KCNJ6: variants seen among roughly 807,000 people sequenced by gnomAD.
The protein encoded by KCNJ6 is potassium inwardly rectifying channel subfamily J member 6, also known as G protein-activated inward rectifier potassium channel 2.
KCNJ6 carries 9 observed loss-of-function variants against 34.2 expected under a neutral mutation model. That is an observed-to-expected ratio of 0.26 (90% CI 0.16 to 0.46). The LOEUF (loss-of-function observed/expected upper bound fraction) is 0.46. KCNJ6 is among the 20% of genes least tolerant of loss of function. KCNJ6 has a pLI of 1.00. For missense variants in KCNJ6, 236 were observed against 531.3 expected, an observed-to-expected ratio of 0.44 and a Z score of 5.46; for synonymous variants, 196 against 207.1, an observed-to-expected ratio of 0.95 and a Z score of 0.46.
chr21:37,653,932 G>A (rs1281801711), intron 3 of KCNJ6, among the ~76,000 whole-genome samples: 2 of 152,124 alleles, frequency 1.3e-5, no homozygotes, highest in Non-Finnish European at 2.9e-5. Context: ...GTGTGAGAGA[G>A]TCCCACCCCA....
At position 37,707,721 on chromosome 21, in the gene KCNJ6, GCA is replaced by G. The variant is rs112920332; in HGVS notation, c.946+6488_946+6489del. On this transcript the variant is annotated intron_variant, in intron 3 of 3. Transcript: ENST00000609713. ...GGCTGCTTAGCTGTTTAGTATCTGT[GCA>G]TGTGTGTGTGTGAATAATTTACATA... Among the ~76,000 whole-genome samples the G allele has an allele frequency of 6.7e-3, 913 of 136,532 alleles. 1 individual carries two copies. Among genetic ancestry groups the G allele is most frequent in the Middle Eastern group, 0.019 (5 of 264 alleles). The allele number at this position is 136,532 out of a possible 152,430, so 89.6% of individuals were successfully genotyped here. A position where few individuals can be genotyped will look rare whatever the true frequency, so the allele number is the denominator to read the frequency against.
At chr21:37,754,110 C>T (rs1802772782) in intron 2 of KCNJ6, among the ~76,000 whole-genome samples, 1 of 152,218 alleles carries the variant, frequency 6.6e-6, no homozygotes, top group Admixed American at 6.5e-5. Context: ...CTGGATGCCA[C>T]CTGCCAGCTC....
chr21:37,682,971 T>C (rs997310365), intron 3 of KCNJ6, among the ~76,000 whole-genome samples: 1 of 152,154 alleles, frequency 6.6e-6, no homozygotes, highest in Non-Finnish European at 1.5e-5. Context: ...TGCCAGTTAG[T>C]GGGGAACCGC....
intron 1 of KCNJ6, among the ~76,000 whole-genome samples, chr21:37,880,257 C>T (rs545090913): frequency 5.1e-4 from 77 of 152,200 alleles, no homozygotes; most frequent in Middle Eastern, 3.4e-3. Context: ...AGCAAGACTC[C>T]GTCTCAAAAA....
In KCNJ6 at chr21:37,690,468, GGA is replaced by G. The variant is rs142664202; in HGVS notation, c.946+23741_946+23742del. Among the ~76,000 whole-genome samples the G allele has an allele frequency of 7.6e-3, 1,163 of 152,318 alleles. 16 individuals are homozygous for G. Among genetic ancestry groups the G allele is most frequent in the African/African-American group, 0.027 (1,112 of 41,564 alleles). On this transcript the variant is annotated intron_variant, in intron 3 of 3. Coordinates refer to ENST00000609713, the MANE Select transcript of KCNJ6 (RefSeq NM_002240.5). ...TTCACCTCCAGCCAATGTCTACTGTGGAGCTGCATGCTTGCATTTGTAATGGG... is the reference window on the plus strand; with the variant it reads ...TTCACCTCCAGCCAATGTCTACTGTGGCTGCATGCTTGCATTTGTAATGGG...
intron 2 of KCNJ6, among the ~76,000 whole-genome samples, chr21:37,823,115 A>G (rs529857472): frequency 6.4e-4 from 98 of 152,266 alleles, no homozygotes; most frequent in African/African-American, 2.2e-3. Context: ...GCATGGAGAG[A>G]GATGGCAGGC....
chr21:37,865,030 T>G (rs934689493), intron 1 of KCNJ6, among the ~76,000 whole-genome samples: 1 of 152,116 alleles, frequency 6.6e-6, no homozygotes, highest in Non-Finnish European at 1.5e-5. Context: ...TCTATGCCCA[T>G]GAGGCTTCAA....
chr21:37,916,245 T>C lies in KCNJ6; in HGVS notation c.-389A>G, dbSNP rs1021272696. On this transcript the variant is annotated 5_prime_UTR_variant, in exon 1 of 4. Coordinates refer to ENST00000609713, the MANE Select transcript of KCNJ6 (RefSeq NM_002240.5). ...AAGGGAGGGGCGGAGGGGCGCGCGTTTGGGCAGGGACGGGGGAGGGAGACT... is the reference window on the plus strand; with the variant it reads ...AAGGGAGGGGCGGAGGGGCGCGCGTCTGGGCAGGGACGGGGGAGGGAGACT... The C allele has an allele frequency of 6.6e-5, 10 of 150,834 alleles. No homozygotes were observed. Among genetic ancestry groups the C allele is most frequent in the African/African-American group, 2.4e-4 (10 of 40,928 alleles). The allele number at this position is 150,834 out of a possible 1,614,324, so 9.3% of individuals were successfully genotyped here. A position where few individuals can be genotyped will look rare whatever the true frequency, so the allele number is the denominator to read the frequency against.
intron 3 of KCNJ6, among the ~76,000 whole-genome samples, chr21:37,686,135 G>C (rs2054614111): frequency 6.6e-6 from 1 of 152,106 alleles, no homozygotes; most frequent in Non-Finnish European, 1.5e-5. Flanking sequence ...TCCTGTGCAA[G>C]CATTACTTTT....
rs577022747 is a variant in KCNJ6, at chr21:37,666,480, C to T, written c.947-40996G>A. ...CCTCTCTGAGATGCAATTTCCCAAT[C>T]TGTAAAATGGGGATACAATGCTAGT... is the stretch of plus-strand genomic sequence containing the variant. On this transcript the variant is annotated intron_variant, in intron 3 of 3. Transcript: ENST00000609713. Among the ~76,000 whole-genome samples the T allele has an allele frequency of 6.6e-5, 10 of 152,296 alleles. No homozygotes were observed. The East Asian group carries it at 1.9e-3, about 29-fold the overall frequency.
At chr21:37,752,586 C>T (rs2055001786) in intron 2 of KCNJ6, among the ~76,000 whole-genome samples, 1 of 152,018 alleles carries the variant, frequency 6.6e-6, no homozygotes, top group Non-Finnish European at 1.5e-5. Context: ...GGTGCTGGGT[C>T]CCACACATGG....
intron 3 of KCNJ6, among the ~76,000 whole-genome samples, chr21:37,632,889 A>G (rs1188403184): frequency 2.0e-5 from 3 of 152,178 alleles, no homozygotes; most frequent in African/African-American, 4.8e-5. Flanking sequence ...AGACAATCTT[A>G]AAGATGAGTT....
chr21:37,706,255 C>T (rs2054719016), intron 3 of KCNJ6, among the ~76,000 whole-genome samples: 1 of 152,226 alleles, frequency 6.6e-6, no homozygotes, highest in Non-Finnish European at 1.5e-5. Flanking sequence ...GCTAATGACA[C>T]CACACATTTC....
At chr21:37,665,356 G>A (rs552414584) in intron 3 of KCNJ6, among the ~76,000 whole-genome samples, 7 of 152,316 alleles carry the variant, frequency 4.6e-5, no homozygotes, top group African/African-American at 1.4e-4. Context: ...AAGTCCATGC[G>A]ATCATTGAAA....
At chr21:37,812,422 T>A (rs771474234) in intron 2 of KCNJ6, among the ~76,000 whole-genome samples, 15 of 152,142 alleles carry the variant, frequency 9.9e-5, no homozygotes, top group Non-Finnish European at 2.2e-4. Context: ...CAAAGGGTCA[T>A]CTTACTCTGT....
chr21:37,718,108 G>A (rs1174782028), intron 2 of KCNJ6, among the ~76,000 whole-genome samples: 1 of 152,188 alleles, frequency 6.6e-6, no homozygotes, highest in Admixed American at 6.5e-5. Flanking sequence ...GTTGGCCATG[G>A]TGATTGAGTC....
Position 37,650,702 on chromosome 21 carries a change from A to C in KCNJ6, c.947-25218T>G, listed in dbSNP as rs2054429166. On this transcript the variant is annotated intron_variant, in intron 3 of 3. Transcript: ENST00000609713. ...CACTCTGCTTATTGCTTTTCACTTGACAATTTTTGAGGTTTCATTCATTAC... is the reference window on the plus strand; with the variant it reads ...CACTCTGCTTATTGCTTTTCACTTGCCAATTTTTGAGGTTTCATTCATTAC... 2.0e-5 allele frequency among the ~76,000 whole-genome samples: 3 copies of C among 152,194 alleles called. No homozygotes were observed. In the South Asian group the frequency reaches 6.2e-4, roughly 32 times the overall value.
intron 1 of KCNJ6, among the ~76,000 whole-genome samples, chr21:37,908,176 T>C (rs1256798658): frequency 6.6e-6 from 1 of 152,238 alleles, no homozygotes; most frequent in Admixed American, 6.5e-5. Context: ...GGAAGTATTA[T>C]GGATCACCAC....
intron 1 of KCNJ6, among the ~76,000 whole-genome samples, chr21:37,911,815 C>T (rs1468316286): frequency 6.6e-6 from 1 of 152,144 alleles, no homozygotes; most frequent in South Asian, 2.1e-4. Flanking sequence ...CAACATTAAA[C>T]CCTTGAGAAC....
Sources: allele counts gnomAD v4.1 joint callset (sites outside exome capture counted in the v4.1 genomes callset), GRCh38; gene constraint gnomAD v4.1.1; transcripts MANE v1.5; gene names NCBI Gene and HGNC (gene_info 2026-07-23, HGNC 2026-07-21).